The following SOS2 variants were observed in gnomAD, a reference collection of about 807,000 sequenced individuals.
SOS2 encodes son of sevenless homolog 2.
A neutral mutation model predicts 148.2 loss-of-function variants in SOS2; 65 were observed. That is an observed-to-expected ratio of 0.44 (90% CI 0.36 to 0.54). SOS2 has a LOEUF of 0.54. Ranked by LOEUF, SOS2 falls within the 20% of genes least tolerant of loss-of-function variation. The probability of loss-of-function intolerance (pLI) is 0.00; values close to 1 mark genes in which losing one functional copy is unlikely to be tolerated. For synonymous variants in SOS2, 539 were observed against 537.1 expected (o/e 1.00, Z -0.05); for missense variants, 1,341 against 1,590.2 (o/e 0.84, Z 2.67).
At chr14:50,131,139 G>GA (rs559843289) in intron 19 of SOS2, among the ~76,000 whole-genome samples, 39 of 146,880 alleles carry the variant, frequency 2.7e-4, no homozygotes, top group East Asian at 9.9e-4. Flanking sequence ...ATATGCTTCA[G>GA]AAAAAAAAAA....
In SOS2 at chr14:50,199,724, C is replaced by T; in HGVS notation, c.477G>A (p.Gln159=). 6.2e-7 allele frequency: 1 copy of T among 1,609,728 alleles called. No homozygotes were observed. The highest frequency in any genetic ancestry group is 1.3e-5 in the African/African-American group (1 of 74,872). ...CACACATTGACACTTTAATGTCCTG[C>T]TGAGATATTTCATAATGCCGGATAT... The part of the protein sequence containing the change: ...VFNIRHYEIS[Q]QDIKVSMCAD... The change falls in exon 4 of 23, where the codon CAG becomes CAA. Residue 159 remains glutamine, a synonymous_variant. Transcript: ENST00000216373.
chr14:50,139,872 C>G, intron 17 of SOS2, 70 bp downstream of exon 17: 1 of 686,172 alleles, frequency 1.5e-6, no homozygotes, highest in South Asian at 1.9e-5. Flanking sequence ...AGATAACATG[C>G]CTCTGAAGAC....
chr14:50,182,469 C>T lies in SOS2; in HGVS notation c.852G>A (p.Leu284=), dbSNP rs1355537433. Residue 284 remains leucine, a synonymous_variant, in exon 6 of 23, where the codon TTG becomes TTA. Coordinates refer to ENST00000216373, the MANE Select transcript of SOS2 (RefSeq NM_006939.4). ...HPLAGSCFED[L]AEEQAFDPYE... is the part of the protein sequence containing the mutation. ...AGTAGTTTTGTAAACTTACTTCTGCCAAATCTTCAAAACAGCTGCCAGCTA... is the reference window on the plus strand; with the variant it reads ...AGTAGTTTTGTAAACTTACTTCTGCTAAATCTTCAAAACAGCTGCCAGCTA... 3.7e-6 allele frequency: 6 copies of T among 1,613,682 alleles called. No homozygotes were observed. Among genetic ancestry groups the T allele is most frequent in the South Asian group, 2.2e-5 (2 of 91,040 alleles).
intron 21 of SOS2, among the ~76,000 whole-genome samples, chr14:50,124,804 T>C (rs1883632903): frequency 1.3e-5 from 2 of 152,246 alleles, no homozygotes; most frequent in African/African-American, 4.8e-5. Flanking sequence ...CTTGCCATTT[T>C]TCTCATTTCA....
rs1294480231 is a variant in SOS2 at position 50,117,427 on chromosome 14, T to G, written c.*917A>C. 1.3e-5 allele frequency: 2 copies of G among 152,238 alleles called. No homozygotes were observed. The highest frequency in any genetic ancestry group is 1.9e-4 in the East Asian group (1 of 5,202). The allele number at this position is 152,238 out of a possible 1,614,324, so 9.4% of individuals were successfully genotyped here. A position where few individuals can be genotyped will look rare whatever the true frequency, so the allele number is the denominator to read the frequency against. Reference sequence around the variant, plus strand: ...AAAATTTCAGTTAACACGAGATTTATAGAGAAAGTTACTAGGTCTTGAAGG... The same window carrying G: ...AAAATTTCAGTTAACACGAGATTTAGAGAGAAAGTTACTAGGTCTTGAAGG... On this transcript the variant is annotated 3_prime_UTR_variant, in exon 23 of 23. Transcript: ENST00000216373.
At chr14:50,178,711 TACACACATATAC>T (rs1352538908) in intron 7 of SOS2, among the ~76,000 whole-genome samples, 15 of 120,440 alleles carry the variant, frequency 1.2e-4, no homozygotes, top group Non-Finnish European at 2.1e-4. Context: ...TATATATATA[TACACACATATAC>T]ACACACATAT....
chr14:50,118,272 CT>C lies in SOS2; in HGVS notation c.*71del, dbSNP rs35413364. 4.7e-6 allele frequency: 6 copies of C among 1,284,352 alleles called. No homozygotes were observed. The highest frequency in any genetic ancestry group is 1.5e-5 in the South Asian group (1 of 67,160). The allele number at this position is 1,284,352 out of a possible 1,614,324, so 79.6% of individuals were successfully genotyped here. ...TGTAAAAAGTACTAAAATACTATGT[CT>C]TTTTTTGAATAAATTAAAAAAAAAA... On this transcript the variant is annotated 3_prime_UTR_variant, in exon 23 of 23. Transcript: ENST00000216373.
chr14:50,218,871 T>C (rs544769555), intron 1 of SOS2, among the ~76,000 whole-genome samples: 51 of 152,158 alleles, frequency 3.4e-4, no homozygotes, highest in South Asian at 1.9e-3. Flanking sequence ...TCCCAGCACG[T>C]TGGGAGGCCG....
chr14:50,141,640 G>A (rs944296665), intron 16 of SOS2, among the ~76,000 whole-genome samples: 51 of 152,196 alleles, frequency 3.4e-4, no homozygotes, highest in African/African-American at 1.2e-3. Context: ...AGAGATAAAC[G>A]ATGTTCACAG....
intron 4 of SOS2, among the ~76,000 whole-genome samples, chr14:50,196,027 A>G (rs1027719363): frequency 1.3e-5 from 2 of 152,184 alleles, no homozygotes; most frequent in African/African-American, 4.8e-5. Flanking sequence ...ACTCCGTCTC[A>G]AAAAAGAAAA....
chr14:50,150,480 C>T (rs1317664028), intron 13 of SOS2, among the ~76,000 whole-genome samples: 1 of 152,130 alleles, frequency 6.6e-6, no homozygotes, highest in African/African-American at 2.4e-5. Flanking sequence ...ACACCATTAT[C>T]ACACATAAAA....
At chr14:50,217,765 G>A (rs1887076883) in intron 1 of SOS2, among the ~76,000 whole-genome samples, 1 of 151,450 alleles carries the variant, frequency 6.6e-6, no homozygotes, top group Non-Finnish European at 1.5e-5. Context: ...GACCATCCTG[G>A]CTAACATGGT....
At chr14:50,156,946 T>C in intron 12 of SOS2, 53 bp downstream of exon 12, 1 of 892,496 alleles carries the variant, frequency 1.1e-6, no homozygotes, top group Non-Finnish European at 1.7e-6. Flanking sequence ...AATGTGTGTG[T>C]GTGTGTATAT....
chr14:50,172,349 T>C (rs750283467), intron 8 of SOS2, among the ~76,000 whole-genome samples: 3 of 152,146 alleles, frequency 2.0e-5, no homozygotes, highest in African/African-American at 4.8e-5. Flanking sequence ...TAAAACTGAG[T>C]ATATTCCATA....
At position 50,223,441 on chromosome 14, in the gene SOS2, G is replaced by A. The variant is rs372559553; in HGVS notation, c.87+7756C>T. On this transcript the variant is annotated intron_variant, in intron 1 of 22. Coordinates refer to ENST00000216373, the MANE Select transcript of SOS2 (RefSeq NM_006939.4). ...TGTAATCCCAGTACTTTGGGAGGCC[G>A]GGGCGGGCAGGTGACGAGGTCAACA... Among the ~76,000 whole-genome samples the A allele has an allele frequency of 8.5e-5, 13 of 152,194 alleles. No individual in the cohort carries two copies. The East Asian group carries it at 1.5e-3, about 18-fold the overall frequency.
chr14:50,175,266 T>C (rs566121412), intron 7 of SOS2, among the ~76,000 whole-genome samples: 62 of 152,268 alleles, frequency 4.1e-4, no homozygotes, highest in African/African-American at 1.4e-3. Flanking sequence ...ACATAAATCT[T>C]TGTGATAACC....
At chr14:50,172,706 C>T (rs1197095200) in intron 8 of SOS2, among the ~76,000 whole-genome samples, 1 of 151,980 alleles carries the variant, frequency 6.6e-6, no homozygotes, top group East Asian at 1.9e-4. Context: ...ATTACTACTA[C>T]CTAGTAATAA....
intron 8 of SOS2, among the ~76,000 whole-genome samples, chr14:50,170,987 G>A (rs145795090): frequency 2.1e-3 from 324 of 151,818 alleles, no homozygotes; most frequent in Middle Eastern, 3.4e-3. Context: ...GGTGACAGGC[G>A]CCTGTAATCC....
intron 3 of SOS2, among the ~76,000 whole-genome samples, chr14:50,200,276 G>A (rs1886446218): frequency 6.6e-6 from 1 of 151,942 alleles, no homozygotes; most frequent in Non-Finnish European, 1.5e-5. Context: ...AGGCAGGCGG[G>A]GCGGGGGGGG....
Sources: allele counts gnomAD v4.1 joint callset (sites outside exome capture counted in the v4.1 genomes callset), GRCh38; gene constraint gnomAD v4.1.1; transcripts MANE v1.5; gene names NCBI Gene and HGNC (gene_info 2026-07-23, HGNC 2026-07-21).